ZSCAN22: variants seen among roughly 807,000 people sequenced by gnomAD.
ZSCAN22 encodes zinc finger and SCAN domain-containing protein 22.
A neutral mutation model predicts 12.4 loss-of-function variants in ZSCAN22; 7 were observed. That is an observed-to-expected ratio of 0.57 (90% CI 0.32 to 1.06). ZSCAN22 has a LOEUF of 1.06. ZSCAN22 is among the 50% of genes least tolerant of loss of function. The pLI is 0.04. For missense variants in ZSCAN22, 576 were observed against 631.7 expected (o/e 0.91, Z 0.94); for synonymous variants, 243 against 255.9 (o/e 0.95, Z 0.48).
rs576717152 is a variant in ZSCAN22, at chr19:58,339,374, G to A, written c.*48G>A. On this transcript the variant is annotated 3_prime_UTR_variant, in exon 3 of 3. Transcript: ENST00000329665. This position sits in a 1 kb window ranked among gnomAD's most constrained non-coding sequence, Gnocchi z 5.6. ...TAGCACAGCGTCTTCTCGGAGGCTCGAGGTCTAAGAGAAACGCTGAGTTCC... is the reference window on the plus strand; with the variant it reads ...TAGCACAGCGTCTTCTCGGAGGCTCAAGGTCTAAGAGAAACGCTGAGTTCC... 36 of 1,494,792 alleles carry A rather than the reference G, an allele frequency of 2.4e-5. No individual in the cohort carries two copies. Among genetic ancestry groups the A allele is most frequent in the African/African-American group, 4.2e-5 (3 of 71,324 alleles). 92.6% of individuals were successfully genotyped at this position (1,494,792 alleles called of 1,614,324 possible).
chr19:58,334,532 A>G (rs1253023707), intron 1 of ZSCAN22, among the ~76,000 whole-genome samples: 1 of 151,992 alleles, frequency 6.6e-6, no homozygotes, highest in Non-Finnish European at 1.5e-5. Flanking sequence ...GTTAGCCAGG[A>G]TGGTGTTTGT....
rs1365101066 is a variant in ZSCAN22, at chr19:58,339,452, C to A, written c.*126C>A. On this transcript the variant is annotated 3_prime_UTR_variant, in exon 3 of 3. Coordinates refer to ENST00000329665, the MANE Select transcript of ZSCAN22 (RefSeq NM_181846.3). This position sits in a 1 kb window ranked among gnomAD's most constrained non-coding sequence, Gnocchi z 5.6. ...TGATGAGTTGTCAAAATGATAGGTG[C>A]CTGAGGGCAGACTCGGGCTGTCTAG... 1.1e-5 allele frequency: 10 copies of A among 904,812 alleles called. No individual in the cohort carries two copies. The highest frequency in any genetic ancestry group is 1.6e-5 in the Non-Finnish European group (10 of 613,634). 56.0% of individuals were successfully genotyped at this position (904,812 alleles called of 1,614,324 possible).
At chr19:58,336,920 T>A (rs1333084503) in intron 2 of ZSCAN22, among the ~76,000 whole-genome samples, 1 of 152,194 alleles carries the variant, frequency 6.6e-6, no homozygotes, top group Non-Finnish European at 1.5e-5. Flanking sequence ...GTCCAGTTTC[T>A]GCACTGCTGA....
In ZSCAN22 at chr19:58,335,000, C is replaced by T. The variant is rs1392485568; in HGVS notation, c.198C>T (p.Ala66=). The T allele has an allele frequency of 3.7e-6, 6 of 1,614,102 alleles. No homozygotes were observed. The highest frequency in any genetic ancestry group is 5.1e-6 in the Non-Finnish European group (6 of 1,180,046). ...RYEEASGPHE[A]LAHLRALCCQ... is the part of the protein sequence containing the mutation. ...AGGAGGCATCTGGTCCACACGAGGC[C>T]CTGGCCCACCTCCGAGCGCTGTGCT... The change falls in exon 2 of 3, where the codon GCC becomes GCT. Residue 66 remains alanine, a synonymous_variant. Transcript: ENST00000329665.
In ZSCAN22 at chr19:58,334,816, A is replaced by G. The variant is rs1004658850; in HGVS notation, c.14A>G (p.Lys5Arg). The G allele has an allele frequency of 4.4e-6, 7 of 1,602,488 alleles. No homozygotes were observed. The highest frequency in any genetic ancestry group is 1.3e-5 in the African/African-American group (1 of 74,742). Residue 5 changes from lysine (K) to arginine (R), a missense_variant, in exon 2 of 3, where the codon AAG (lysine) becomes AGG (arginine). Lys to Arg is a conservative substitution (Grantham distance 26, BLOSUM62 2). Transcript: ENST00000329665. The part of the protein sequence containing the change: MAIP[K>R]HSLSPVPWEE... The stretch of plus-strand genomic sequence containing the variant: ...CACTGCTGCCCGATGGCCATCCCCA[A>G]GCACTCCCTGAGCCCAGTGCCGTGG...
In ZSCAN22 at chr19:58,338,776, C is replaced by T. The variant is rs372290763; in HGVS notation, c.926C>T (p.Thr309Ile). 1.3e-5 allele frequency: 21 copies of T among 1,614,078 alleles called. No homozygotes were observed. The highest frequency in any genetic ancestry group is 2.7e-5 in the African/African-American group (2 of 74,936). Residue 309 changes from threonine to isoleucine, a missense_variant, in exon 3 of 3, where the codon ACT becomes ATT. By Grantham distance (89) the Thr-to-Ile change is moderately conservative. Coordinates refer to ENST00000329665, the MANE Select transcript of ZSCAN22 (RefSeq NM_181846.3). The surrounding 1 kb of genome is among the most constrained non-coding windows in gnomAD (Gnocchi z 5.4). The part of the protein sequence containing the change: ...SECGKAFSRS[T>I]HLAQHQVVHT... ...TGTGGGAAAGCCTTCAGCCGGAGCA[C>T]TCACCTCGCCCAGCACCAGGTTGTC...
chr19:58,327,119 G>C lies in ZSCAN22; in HGVS notation c.-52+5G>C, dbSNP rs943330775. Reference sequence around the variant, plus strand: ...TCCGCCGGCTGTGCTGGTGAGGTGGGTTTCGGGGGTGTTCTCCGTCCTGAT... The same window carrying C: ...TCCGCCGGCTGTGCTGGTGAGGTGGCTTTCGGGGGTGTTCTCCGTCCTGAT... On this transcript the variant is annotated splice_donor_5th_base_variant and intron_variant, in intron 1 of 2. Coordinates refer to ENST00000329665, the MANE Select transcript of ZSCAN22 (RefSeq NM_181846.3). The C allele has an allele frequency of 9.2e-5, 14 of 152,748 alleles. No individual in the cohort carries two copies. The highest frequency in any genetic ancestry group is 3.4e-4 in the African/African-American group (14 of 41,460). 9.5% of individuals were successfully genotyped at this position (152,748 alleles called of 1,614,324 possible). A position where few individuals can be genotyped will look rare whatever the true frequency, so the allele number is the denominator to read the frequency against.
Position 58,338,321 on chromosome 19 carries a change from A to G in ZSCAN22, c.471A>G (p.Pro157=). The change falls in exon 3 of 3, where the codon CCA becomes CCG. Residue 157 remains proline (P), a synonymous_variant. Transcript: ENST00000329665. This position sits in a 1 kb window ranked among gnomAD's most constrained non-coding sequence, Gnocchi z 5.4. ...CKQSDLGESE[P]SNVTETLMGG... Reference sequence around the variant, plus strand: ...AGAGTGACCTGGGAGAGTCAGAGCCATCAAATGTCACTGAGACCCTCATGG... The same window carrying G: ...AGAGTGACCTGGGAGAGTCAGAGCCGTCAAATGTCACTGAGACCCTCATGG... The G allele has an allele frequency of 2.5e-6, 4 of 1,613,890 alleles. No individual in the cohort carries two copies. Among genetic ancestry groups the G allele is most frequent in the Non-Finnish European group, 3.4e-6 (4 of 1,179,850 alleles).
intron 1 of ZSCAN22, among the ~76,000 whole-genome samples, chr19:58,333,924 A>C (rs902922158): frequency 1.3e-5 from 2 of 152,272 alleles, no homozygotes; most frequent in Admixed American, 1.3e-4. Flanking sequence ...TTTTAACTAA[A>C]TGATAATGAA....
chr19:58,334,084 G>C (rs1212605598), intron 1 of ZSCAN22, among the ~76,000 whole-genome samples: 1 of 152,202 alleles, frequency 6.6e-6, no homozygotes, highest in African/African-American at 2.4e-5. Context: ...AGTAAAGTGA[G>C]AGAATGACCA....
At chr19:58,337,997 T>C (rs1478884270) in intron 2 of ZSCAN22, among the ~76,000 whole-genome samples, 2 of 152,232 alleles carry the variant, frequency 1.3e-5, no homozygotes, top group Non-Finnish European at 2.9e-5. Context: ...TGAGCCAAAA[T>C]TGGGAGCCTT....
At chr19:58,327,309 G>A (rs529374753) in intron 1 of ZSCAN22, among the ~76,000 whole-genome samples, 195 bp downstream of exon 1, 1 of 152,330 alleles carries the variant, frequency 6.6e-6, no homozygotes, top group Non-Finnish European at 1.5e-5. Context: ...GTGACGGACT[G>A]ACGGACCAGG....
At chr19:58,328,622 G>C (rs2147980435) in intron 1 of ZSCAN22, among the ~76,000 whole-genome samples, 1 of 152,322 alleles carries the variant, frequency 6.6e-6, no homozygotes, top group Non-Finnish European at 1.5e-5. Flanking sequence ...AGCAGCTGTG[G>C]ATGGGGAACC....
At chr19:58,327,502 G>GACAGAAA (rs1419882435) in intron 1 of ZSCAN22, among the ~76,000 whole-genome samples, 1 of 151,904 alleles carries the variant, frequency 6.6e-6, no homozygotes, top group Non-Finnish European at 1.5e-5. Flanking sequence ...GGAGCGGGCG[G>GACAGAAA]ACAGATAACA....
Position 58,334,813 on chromosome 19 carries a change from C to T in ZSCAN22, c.11C>T (p.Pro4Leu). 1.2e-6 allele frequency: 2 copies of T among 1,601,714 alleles called. No homozygotes were observed. The highest frequency in any genetic ancestry group is 1.7e-6 in the Non-Finnish European group (2 of 1,171,568). Reference protein sequence around the residue: MAIPKHSLSPVPWE... With the variant: MAILKHSLSPVPWE... Reference sequence around the variant, plus strand: ...GAGCACTGCTGCCCGATGGCCATCCCCAAGCACTCCCTGAGCCCAGTGCCG... The same window carrying T: ...GAGCACTGCTGCCCGATGGCCATCCTCAAGCACTCCCTGAGCCCAGTGCCG... The change falls in exon 2 of 3, where the codon CCC (proline) becomes CTC (leucine). Residue 4 changes from proline to leucine, a missense_variant. Physicochemically the swap from Pro to Leu is moderately conservative, Grantham distance 98. Transcript: ENST00000329665.
chr19:58,339,122 C>T lies in ZSCAN22; in HGVS notation c.1272C>T (p.Ile424=). ...CCTTCAGCGACTGCTCAGCCCTGAT[C>T]CGACATCTGAGAATCCACTCTGGAG... ...GRAFSDCSAL[I]RHLRIHSGEK... is the part of the protein sequence containing the mutation. Residue 424 remains isoleucine, a synonymous_variant, in exon 3 of 3, where the codon ATC becomes ATT. Transcript: ENST00000329665. The surrounding 1 kb of genome is among the most constrained non-coding windows in gnomAD (Gnocchi z 5.6). The T allele has an allele frequency of 2.5e-6, 4 of 1,614,210 alleles. No individual in the cohort carries two copies. Among genetic ancestry groups the T allele is most frequent in the Non-Finnish European group, 3.4e-6 (4 of 1,180,038 alleles).
Position 58,335,280 on chromosome 19 carries a change from C to T in ZSCAN22, c.403+75C>T. The T allele has an allele frequency of 6.9e-7, 1 of 1,451,740 alleles. No homozygotes were observed. Among genetic ancestry groups the T allele is most frequent in the South Asian group, 1.5e-5 (1 of 68,518 alleles). The allele number at this position is 1,451,740 out of a possible 1,614,324, so 89.9% of individuals were successfully genotyped here. On this transcript the variant is annotated intron_variant, in intron 2 of 2. Transcript: ENST00000329665. This position sits in a 1 kb window ranked among gnomAD's most constrained non-coding sequence, Gnocchi z 4.1. ...GACAGGAACATGGGAGCACAGGGCT[C>T]TGGTTTGGGGTTGCTCATGCACCCA...
At position 58,340,147 on chromosome 19, in the gene ZSCAN22, T is replaced by A. The variant is rs955061624; in HGVS notation, c.*821T>A. ...GTATCACTCTCCAGGGGACTCTTGA[T>A]ATTACTTAGATCTGACTGTGTCACT... On this transcript the variant is annotated 3_prime_UTR_variant, in exon 3 of 3. Transcript: ENST00000329665. 1 of 152,276 alleles carries A rather than the reference T, an allele frequency of 6.6e-6. No individual in the cohort carries two copies. The highest frequency in any genetic ancestry group is 1.5e-5 in the Non-Finnish European group (1 of 68,122). The allele number at this position is 152,276 out of a possible 1,614,324, so 9.4% of individuals were successfully genotyped here. A position where few individuals can be genotyped will look rare whatever the true frequency, so the allele number is the denominator to read the frequency against.
chr19:58,339,580 C>G lies in ZSCAN22; in HGVS notation c.*254C>G. ...GCACTGCTACCCTCTATTTCCCACT[C>G]AGGGCTGTCCCAGAGAGAAGGCAGC... On this transcript the variant is annotated 3_prime_UTR_variant, in exon 3 of 3. Transcript: ENST00000329665. This position sits in a 1 kb window ranked among gnomAD's most constrained non-coding sequence, Gnocchi z 5.6. 1 of 447,126 alleles carries G rather than the reference C, an allele frequency of 2.2e-6. No individual in the cohort carries two copies. The allele number at this position is 447,126 out of a possible 1,614,324, so 27.7% of individuals were successfully genotyped here. A position where few individuals can be genotyped will look rare whatever the true frequency, so the allele number is the denominator to read the frequency against.
Sources: allele counts gnomAD v4.1 joint callset (sites outside exome capture counted in the v4.1 genomes callset), GRCh38; gene constraint gnomAD v4.1.1; non-coding constraint Gnocchi (gnomAD v3.1); transcripts MANE v1.5; gene names NCBI Gene and HGNC (gene_info 2026-07-23, HGNC 2026-07-21).